The following DOT1L variants were observed in gnomAD, a reference collection of about 807,000 sequenced individuals.
The protein encoded by DOT1L is DOT1 like histone lysine methyltransferase.
A neutral mutation model predicts 153.3 loss-of-function variants in DOT1L; 33 were observed. The ratio of observed to expected loss-of-function variants is 0.22; its 90% CI spans 0.16 to 0.29. The LOEUF is 0.29. Ranked by LOEUF, DOT1L falls within the 10% of genes least tolerant of loss-of-function variation. The pLI, the probability that DOT1L is intolerant of heterozygous loss-of-function variation, is 1.00. For missense variants in DOT1L, 1,847 were observed against 2,119.9 expected (o/e 0.87, Z 2.53); for synonymous variants, 1,135 against 965.1 (o/e 1.18, Z -3.26).
Position 2,191,265 on chromosome 19 carries a change from C to T in DOT1L, c.493+25C>T. The T allele has an allele frequency of 6.2e-7, 1 of 1,607,778 alleles. No individual in the cohort carries two copies. The highest frequency in any genetic ancestry group is 8.5e-7 in the Non-Finnish European group (1 of 1,175,178). On this transcript the variant is annotated intron_variant, in intron 5 of 27. Transcript: ENST00000398665. The surrounding 1 kb of genome is among the most constrained non-coding windows in gnomAD (Gnocchi z 6.8). ...GGTGAGTGTCGCCCGCCATGCCCGG[C>T]TCCTGTGCACTTCCAGGCCACACGC...
intron 1 of DOT1L, among the ~76,000 whole-genome samples, chr19:2,178,905 G>T (rs766938524): frequency 6.6e-6 from 1 of 152,164 alleles, no homozygotes; most frequent in Non-Finnish European, 1.5e-5. Context: ...GCAAAGCACC[G>T]CACAGACTTT....
chr19:2,209,776 T>TGC (rs2023642124), intron 12 of DOT1L, among the ~76,000 whole-genome samples: 1 of 152,326 alleles, frequency 6.6e-6, no homozygotes, highest in African/African-American at 2.4e-5. Context: ...CAGGAAGGGC[T>TGC]CTGTCACTGC....
intron 23 of DOT1L, 83 bp from the exon 24 acceptor site, chr19:2,221,893 C>A (rs79712071): frequency 0.039 from 53,154 of 1,364,600 alleles, 1,203 homozygotes; most frequent in Non-Finnish European, 0.045. Flanking sequence ...GCCCACAGAG[C>A]TCCTAGGGGG....
chr19:2,187,900 T>G lies in DOT1L; in HGVS notation c.201-1832T>G, dbSNP rs6510651. Among the ~76,000 whole-genome samples, 1,382 of 143,832 alleles carry G rather than the reference T, an allele frequency of 9.6e-3. 33 individuals carry two copies. Among genetic ancestry groups the G allele is most frequent in the African/African-American group, 0.033 (1,231 of 37,682 alleles). 94.4% of individuals were successfully genotyped at this position (143,832 alleles called of 152,430 possible). On this transcript the variant is annotated intron_variant, in intron 3 of 27. Transcript: ENST00000398665. ...TCGCGCCACCGCACTCCAGCCTGGG[T>G]GACAGAGCGAGACTCCATCTCAGAA...
intron 22 of DOT1L, among the ~76,000 whole-genome samples, chr19:2,218,448 C>T (rs1320198945): frequency 6.6e-6 from 1 of 152,174 alleles, no homozygotes; most frequent in Non-Finnish European, 1.5e-5. Flanking sequence ...GGCTGGAGTG[C>T]AGTGGTGCGA....
At chr19:2,218,663 G>A (rs1034642440) in intron 22 of DOT1L, among the ~76,000 whole-genome samples, 1 of 151,480 alleles carries the variant, frequency 6.6e-6, no homozygotes, top group Non-Finnish European at 1.5e-5. Flanking sequence ...AAAGTGCTGG[G>A]ATTACAGGCG....
At position 2,186,416 on chromosome 19, in the gene DOT1L, C is replaced by T. The variant is rs537366823; in HGVS notation, c.200+487C>T. Among the ~76,000 whole-genome samples, 7 of 152,334 alleles carry T rather than the reference C, an allele frequency of 4.6e-5. No homozygotes were observed. The East Asian group carries it at 1.4e-3, about 29-fold the overall frequency. The stretch of plus-strand genomic sequence containing the variant: ...GTCTTGTGGGTGGAGAGGGGCAGGG[C>T]TGTCTCTGGAATGCTTGCTTGGAAG... On this transcript the variant is annotated intron_variant, in intron 3 of 27. Coordinates refer to ENST00000398665, the MANE Select transcript of DOT1L (RefSeq NM_032482.3).
intron 8 of DOT1L, among the ~76,000 whole-genome samples, chr19:2,201,569 T>C (rs1261733217): frequency 2.6e-5 from 4 of 152,266 alleles, no homozygotes; most frequent in East Asian, 1.9e-4. Flanking sequence ...TGAACTTCCA[T>C]TTGGGTTGGG....
Position 2,204,897 on chromosome 19 carries a change from G to A in DOT1L, c.788-1832G>A, listed in dbSNP as rs2023433836. On this transcript the variant is annotated intron_variant, in intron 9 of 27. Transcript: ENST00000398665. The surrounding 1 kb of genome is among the most constrained non-coding windows in gnomAD (Gnocchi z 5.7). ...GTGGTGTGTAGAATGCCAGGCCTGG[G>A]CTGGTGTGGCGTCCAGGGGAGGAGA... Among the ~76,000 whole-genome samples the A allele has an allele frequency of 6.6e-6, 1 of 152,222 alleles. No individual in the cohort carries two copies. Among genetic ancestry groups the A allele is most frequent in the Non-Finnish European group, 1.5e-5 (1 of 68,040 alleles).
In DOT1L at chr19:2,213,957, C is replaced by G; in HGVS notation, c.1768C>G (p.Arg590Gly). 1 of 1,612,822 alleles carries G rather than the reference C, an allele frequency of 6.2e-7. No homozygotes were observed. The highest frequency in any genetic ancestry group is 8.5e-7 in the Non-Finnish European group (1 of 1,179,948). Residue 590 changes from arginine (R) to glycine (G), a missense_variant, in exon 18 of 28, where the codon CGC becomes GGC. By Grantham distance (125) the Arg-to-Gly change is moderately radical. Coordinates refer to ENST00000398665, the MANE Select transcript of DOT1L (RefSeq NM_032482.3). ...GTCGGAGCAGCTGGAGCAGGACAAC[C>G]GCGCGCTCCGCGGCCAGAGCTTGCA... ...EQSEQLEQDN[R>G]ALRGQSLQLL...
chr19:2,231,871 T>G lies in DOT1L; in HGVS notation c.*2079T>G, dbSNP rs1599639143. On this transcript the variant is annotated 3_prime_UTR_variant, in exon 28 of 28. Coordinates refer to ENST00000398665, the MANE Select transcript of DOT1L (RefSeq NM_032482.3). ...GGGCTCCTGCCCACGCAGGCCACCG[T>G]ATGTTCAGGACACGCACTGGGTCTC... The G allele has an allele frequency of 1.4e-5, 3 of 219,748 alleles. No individual in the cohort carries two copies. Among genetic ancestry groups the G allele is most frequent in the Middle Eastern group, 1.4e-3 (1 of 714 alleles). The allele number at this position is 219,748 out of a possible 1,614,324, so 13.6% of individuals were successfully genotyped here. A position where few individuals can be genotyped will look rare whatever the true frequency, so the allele number is the denominator to read the frequency against.
chr19:2,213,650 C>T lies in DOT1L; in HGVS notation c.1659+10C>T, dbSNP rs1407618939. 1 of 1,613,468 alleles carries T rather than the reference C, an allele frequency of 6.2e-7. No homozygotes were observed. The highest frequency in any genetic ancestry group is 1.7e-5 in the Admixed American group (1 of 59,998). ...GCAAAAATTGGATGAGGTAGTGGAC[C>T]CCAGAGGGCAGGTGGCAGGTGGCAG... is the stretch of plus-strand genomic sequence containing the variant. On this transcript the variant is annotated intron_variant, in intron 17 of 27. Transcript: ENST00000398665.
intron 8 of DOT1L, among the ~76,000 whole-genome samples, chr19:2,200,985 C>T (rs1483226193): frequency 3.0e-5 from 4 of 133,594 alleles, no homozygotes; most frequent in Non-Finnish European, 6.4e-5. Flanking sequence ...CCTCATTCCT[C>T]GTCGTCCCCT....
intron 3 of DOT1L, among the ~76,000 whole-genome samples, chr19:2,189,387 G>C (rs546088322): frequency 1.3e-5 from 2 of 152,318 alleles, no homozygotes; most frequent in East Asian, 1.9e-4. Context: ...TTTCCCACTT[G>C]GGGGGCTGGC....
chr19:2,230,286 A>G lies in DOT1L; in HGVS notation c.*494A>G, dbSNP rs2024542603. On this transcript the variant is annotated 3_prime_UTR_variant, in exon 28 of 28. Coordinates refer to ENST00000398665, the MANE Select transcript of DOT1L (RefSeq NM_032482.3). ...TCCCCCGACGCGCTGCTCCCGTACC[A>G]AAGGCAGGCCCGTCGCCACCACATT... 2.4e-6 allele frequency: 1 copy of G among 419,110 alleles called. No individual in the cohort carries two copies. The highest frequency in any genetic ancestry group is 2.0e-5 in the African/African-American group (1 of 48,826). 26.0% of individuals were successfully genotyped at this position (419,110 alleles called of 1,614,324 possible).
chr19:2,211,111 C>G lies in DOT1L; in HGVS notation c.1364C>G (p.Ser455Cys), dbSNP rs1237314658. 1.9e-6 allele frequency: 3 copies of G among 1,612,654 alleles called. No individual in the cohort carries two copies. The highest frequency in any genetic ancestry group is 2.5e-6 in the Non-Finnish European group (3 of 1,179,562). The change falls in exon 15 of 28, where the codon TCC becomes TGC. Residue 455 changes from serine to cysteine, a missense_variant. Ser to Cys is a moderately radical substitution (Grantham distance 112). Around this residue, in one of 8 missense-constraint regions of DOT1L, gnomAD observed 205 missense variants for 203.1 expected, o/e 1.01. Transcript: ENST00000398665. ...AASSPQDAYR[S>C]PHSPFYQLPP... ...TCCGCTCTCCCAGATGCCTACAGAT[C>G]CCCTCACAGCCCGTTCTACCAGCTA...
At chr19:2,212,773 T>C (rs2144845210) in intron 16 of DOT1L, 1 of 152,284 alleles carries the variant, frequency 6.6e-6, no homozygotes, top group East Asian at 1.9e-4. Flanking sequence ...CAAGGCAGTT[T>C]GTCCTGGAAA....
At chr19:2,178,265 G>A (rs1382401668) in intron 1 of DOT1L, among the ~76,000 whole-genome samples, 1 of 138,338 alleles carries the variant, frequency 7.2e-6, no homozygotes, top group South Asian at 2.3e-4. Flanking sequence ...TTTTTGTAGA[G>A]ATGGCGTTTC....
chr19:2,229,095 T>C (rs2024490326), intron 27 of DOT1L: 2 of 985,420 alleles, frequency 2.0e-6, no homozygotes, highest in Non-Finnish European at 2.4e-6. Flanking sequence ...AGCACCAAGC[T>C]GGGCAGGTTA....
Sources: gnomAD v4.1 joint callset for allele counts (sites outside exome capture counted in the v4.1 genomes callset) on GRCh38, gnomAD v4.1.1 for gene constraint, gnomAD v4.1.1 regional missense constraint, Gnocchi (gnomAD v3.1) non-coding constraint, MANE v1.5 for transcripts, NCBI Gene and HGNC (gene_info 2026-07-23, HGNC 2026-07-21) for gene names.